APPBP2: variants seen among roughly 807,000 people sequenced by gnomAD.
The protein encoded by APPBP2 is amyloid beta precursor protein binding protein 2, also known as amyloid protein-binding protein 2.
A neutral mutation model predicts 76.0 loss-of-function variants in APPBP2; 15 were observed. The observed-to-expected ratio is 0.20, with a 90% CI of 0.13 to 0.30. The LOEUF (loss-of-function observed/expected upper bound fraction) is 0.30. Ranked by LOEUF, APPBP2 falls within the 10% of genes least tolerant of loss-of-function variation. APPBP2 has a pLI of 1.00. For missense variants in APPBP2, 401 were observed against 687.2 expected (o/e 0.58, Z 4.66); for synonymous variants, 222 against 242.2 (o/e 0.92, Z 0.77).
At chr17:60,483,318 C>A (rs2090646094) in intron 3 of APPBP2, among the ~76,000 whole-genome samples, 1 of 152,110 alleles carries the variant, frequency 6.6e-6, no homozygotes, top group Admixed American at 6.5e-5. Context: ...TTTGTAGATT[C>A]TGGGTATCAG....
chr17:60,456,972 C>T (rs113452916), intron 9 of APPBP2, among the ~76,000 whole-genome samples: 12,445 of 151,826 alleles, frequency 0.082, 1,691 homozygotes, highest in African/African-American at 0.28. Context: ...TCCATCTCTA[C>T]TAAAAAAATA....
chr17:60,486,822 T>C (rs928984562), intron 3 of APPBP2, among the ~76,000 whole-genome samples: 1 of 152,252 alleles, frequency 6.6e-6, no homozygotes, highest in Admixed American at 6.5e-5. Flanking sequence ...GTTTTTGCAG[T>C]GGCTGGTACC....
intron 1 of APPBP2, among the ~76,000 whole-genome samples, chr17:60,500,902 T>A (rs1598368242): frequency 1.3e-5 from 2 of 152,188 alleles, no homozygotes; most frequent in East Asian, 3.8e-4. Flanking sequence ...TCAGTCCTGG[T>A]TATAACACGT....
chr17:60,508,614 T>G (rs79245987), intron 1 of APPBP2, among the ~76,000 whole-genome samples: 2,350 of 152,230 alleles, frequency 0.015, 62 homozygotes, highest in African/African-American at 0.052. Flanking sequence ...GGAGATTAAC[T>G]ACCTGCCTAA....
At chr17:60,467,655 AAGT>A (rs1184274791) in intron 4 of APPBP2, among the ~76,000 whole-genome samples, 1 of 152,238 alleles carries the variant, frequency 6.6e-6, no homozygotes, top group Admixed American at 6.5e-5. Context: ...GATGATAAAA[AAGT>A]AGGGTAATAT....
intron 2 of APPBP2, among the ~76,000 whole-genome samples, chr17:60,500,151 A>AC (rs766591073): frequency 2.6e-5 from 4 of 151,784 alleles, no homozygotes; most frequent in Non-Finnish European, 5.9e-5. Flanking sequence ...AGCTGGGACT[A>AC]AGGCGCCTAC....
intron 3 of APPBP2, among the ~76,000 whole-genome samples, chr17:60,484,191 G>T (rs931246642): frequency 2.6e-5 from 4 of 152,202 alleles, no homozygotes; most frequent in Non-Finnish European, 5.9e-5. Context: ...TTTTGGCTTA[G>T]GATTGGCTTG....
chr17:60,518,207 G>A (rs2090978146), intron 1 of APPBP2, among the ~76,000 whole-genome samples: 1 of 151,642 alleles, frequency 6.6e-6, no homozygotes, highest in African/African-American at 2.4e-5. Context: ...GCCATGCCTA[G>A]CTTATTTTTT....
chr17:60,465,227 G>T (rs2090502267), intron 5 of APPBP2: 1 of 152,216 alleles, frequency 6.6e-6, no homozygotes, highest in Non-Finnish European at 1.5e-5. Context: ...AAACCACGCT[G>T]TGTCTTGATC....
At chr17:60,491,142 A>C (rs900816254) in intron 3 of APPBP2, among the ~76,000 whole-genome samples, 1 of 152,190 alleles carries the variant, frequency 6.6e-6, no homozygotes, top group Non-Finnish European at 1.5e-5. Flanking sequence ...GACTTGTTGA[A>C]TAGCTTTGAT....
At chr17:60,503,768 G>A (rs1008910459) in intron 1 of APPBP2, among the ~76,000 whole-genome samples, 1 of 146,684 alleles carries the variant, frequency 6.8e-6, no homozygotes, top group Non-Finnish European at 1.5e-5. Flanking sequence ...TTATGTGTCA[G>A]GCACTGTTGT....
intron 1 of APPBP2, among the ~76,000 whole-genome samples, chr17:60,520,660 C>T (rs537533598): frequency 4.3e-4 from 65 of 151,468 alleles, no homozygotes; most frequent in African/African-American, 1.5e-3. Flanking sequence ...TTTAACTCTA[C>T]GGCACACTTT....
At chr17:60,496,841 C>A (rs2090779705) in intron 2 of APPBP2, among the ~76,000 whole-genome samples, 1 of 152,208 alleles carries the variant, frequency 6.6e-6, no homozygotes, top group African/African-American at 2.4e-5. Flanking sequence ...CTGCCTCAGC[C>A]TCCCGAGTAG....
chr17:60,518,364 T>C (rs1232828600), intron 1 of APPBP2, among the ~76,000 whole-genome samples: 1,212 of 107,530 alleles, frequency 0.011, 15 homozygotes, highest in Non-Finnish European at 0.012. Flanking sequence ...CGTGCGTGTG[T>C]GTGTGTGTGT....
Position 60,443,797 on chromosome 17 carries a change from T to C in APPBP2, c.*3784A>G, listed in dbSNP as rs2090322410. On this transcript the variant is annotated 3_prime_UTR_variant, in exon 13 of 13. Coordinates refer to ENST00000083182, the MANE Select transcript of APPBP2 (RefSeq NM_006380.5). ...AAACTCACTAAGGCCACTCATGCTA[T>C]AGATACCTAGGATTGCAATTAAAGA... 6.5e-6 allele frequency: 1 copy of C among 152,756 alleles called. No individual in the cohort carries two copies. The highest frequency in any genetic ancestry group is 1.5e-5 in the Non-Finnish European group (1 of 68,038). The allele number at this position is 152,756 out of a possible 1,614,324, so 9.5% of individuals were successfully genotyped here.
intron 4 of APPBP2, among the ~76,000 whole-genome samples, chr17:60,475,602 A>C (rs1363115679): frequency 6.7e-6 from 1 of 149,984 alleles, no homozygotes; most frequent in East Asian, 2.0e-4. Context: ...GATTTCAGGA[A>C]ATTCAGCTGC....
chr17:60,513,402 G>A (rs2090935233), intron 1 of APPBP2: 1 of 672,026 alleles, frequency 1.5e-6, no homozygotes, highest in African/African-American at 1.8e-5. Flanking sequence ...GAATGCTTGT[G>A]ATCACCTATC....
chr17:60,463,414 G>A lies in APPBP2; in HGVS notation c.762+607C>T, dbSNP rs375851416. Among the ~76,000 whole-genome samples, 48 of 152,292 alleles carry A rather than the reference G, an allele frequency of 3.2e-4. No homozygotes were observed. In the East Asian group the frequency reaches 8.3e-3, roughly 26 times the overall value. On this transcript the variant is annotated intron_variant, in intron 6 of 12. Transcript: ENST00000083182. ...CTAGAACTTTTGGAGGCTCAGGTGG[G>A]AGGATCGCTTGAGTCCAGGTGTTTG...
chr17:60,496,788 T>C (rs1341708912), intron 2 of APPBP2, among the ~76,000 whole-genome samples: 1 of 152,160 alleles, frequency 6.6e-6, no homozygotes, highest in Non-Finnish European at 1.5e-5. Flanking sequence ...CGGTGTGATG[T>C]TGGCTCACTG....
Sources: allele counts gnomAD v4.1 joint callset (sites outside exome capture counted in the v4.1 genomes callset), GRCh38; gene constraint gnomAD v4.1.1; transcripts MANE v1.5; gene names NCBI Gene and HGNC (gene_info 2026-07-23, HGNC 2026-07-21).